NR2C1: variants seen among roughly 807,000 people sequenced by gnomAD.
NR2C1 encodes TR2 nuclear hormone receptor.
NR2C1 carries 33 observed loss-of-function variants against 74.8 expected under a neutral mutation model. That is an observed-to-expected ratio of 0.44 (90% CI 0.33 to 0.59). The LOEUF is 0.59. Among genes scored for constraint, NR2C1 ranks in the 20% least tolerant of loss-of-function variants. The probability of loss-of-function intolerance (pLI) is 0.02; values close to 1 mark genes in which losing one functional copy is unlikely to be tolerated. For synonymous variants in NR2C1, 225 were observed against 240.6 expected (o/e 0.94, Z 0.60); for missense variants, 568 against 715.6 (o/e 0.79, Z 2.35).
At chr12:95,038,278 T>C (rs922151051) in intron 10 of NR2C1, among the ~76,000 whole-genome samples, 4 of 152,212 alleles carry the variant, frequency 2.6e-5, no homozygotes, top group Non-Finnish European at 5.9e-5. Context: ...CTCAATTTAA[T>C]AGAAGTACTT....
intron 3 of NR2C1, 91 bp downstream of exon 3, chr12:95,062,417 T>C: frequency 1.2e-6 from 1 of 808,114 alleles, no homozygotes; most frequent in Non-Finnish European, 2.0e-6. Context: ...CTACTGAATA[T>C]ACATAGATCT....
chr12:95,070,536 T>G (rs1000728906), intron 1 of NR2C1, among the ~76,000 whole-genome samples: 4 of 152,226 alleles, frequency 2.6e-5, no homozygotes, highest in Non-Finnish European at 5.9e-5. Context: ...AATGTTCATA[T>G]TGACTGGCTC....
chr12:95,028,347 GA>G (rs1190213192), intron 12 of NR2C1, 39 bp downstream of exon 12: 1 of 1,551,938 alleles, frequency 6.4e-7, no homozygotes. Flanking sequence ...TCCACATCGT[GA>G]AACATTTTAT....
intron 10 of NR2C1, among the ~76,000 whole-genome samples, chr12:95,034,861 T>C (rs1870615623): frequency 6.6e-6 from 1 of 152,122 alleles, no homozygotes. Context: ...CTCTATGATG[T>C]TCACAATGAC....
intron 9 of NR2C1, among the ~76,000 whole-genome samples, chr12:95,044,811 G>A (rs1004966905): frequency 2.6e-5 from 4 of 152,168 alleles, no homozygotes; most frequent in Non-Finnish European, 5.9e-5. Flanking sequence ...GAGTCTGGGA[G>A]GCAGAGGTTG....
At chr12:95,058,735 T>C (rs1353912818) in intron 4 of NR2C1, among the ~76,000 whole-genome samples, 2 of 152,142 alleles carry the variant, frequency 1.3e-5, no homozygotes, top group Non-Finnish European at 2.9e-5. Flanking sequence ...ACTACTGGAC[T>C]CAAGGGATAT....
At chr12:95,030,241 C>A (rs1392341670) in intron 11 of NR2C1, among the ~76,000 whole-genome samples, 1 of 152,088 alleles carries the variant, frequency 6.6e-6, no homozygotes, top group Non-Finnish European at 1.5e-5. Context: ...AAACACTAGA[C>A]AACTAAAAGT....
intron 3 of NR2C1, among the ~76,000 whole-genome samples, chr12:95,061,958 T>C (rs945624946): frequency 6.6e-6 from 1 of 152,238 alleles, no homozygotes; most frequent in African/African-American, 2.4e-5. Flanking sequence ...ATGACTGCAC[T>C]GCTTGCTATT....
rs1191415819 is a variant in NR2C1, at chr12:95,029,030, A to T, written c.1394-506T>A. 2.0e-5 allele frequency among the ~76,000 whole-genome samples: 3 copies of T among 152,226 alleles called. No homozygotes were observed. The South Asian group carries it at 6.2e-4, about 31-fold the overall frequency. On this transcript the variant is annotated intron_variant, in intron 11 of 13. Transcript: ENST00000333003. The stretch of plus-strand genomic sequence containing the variant: ...TAAAACTAATCTTAAGATATTATTC[A>T]TTCAAGAACAAGCTGTTAGTATAAT...
intron 11 of NR2C1, chr12:95,030,466 C>A: frequency 1.4e-6 from 2 of 1,480,032 alleles, no homozygotes; most frequent in South Asian, 1.5e-5. Flanking sequence ...AAAACCCATC[C>A]ATTAGTAATT....
intron 7 of NR2C1, among the ~76,000 whole-genome samples, chr12:95,056,981 T>C (rs1462171391): frequency 6.6e-6 from 1 of 151,788 alleles, no homozygotes; most frequent in Non-Finnish European, 1.5e-5. Context: ...AAAAAGACTT[T>C]TACACCTATA....
At chr12:95,029,559 CT>C (rs34742046) in intron 11 of NR2C1, among the ~76,000 whole-genome samples, 237 of 130,080 alleles carry the variant, frequency 1.8e-3, no homozygotes, top group Admixed American at 3.9e-3. Context: ...GTAATGGTTC[CT>C]TTTTTTTTTT....
chr12:95,032,845 A>G (rs1870315031), intron 10 of NR2C1, among the ~76,000 whole-genome samples: 1 of 152,126 alleles, frequency 6.6e-6, no homozygotes, highest in Non-Finnish European at 1.5e-5. Context: ...GTGCACACCT[A>G]TAGTCTCAGC....
intron 13 of NR2C1, among the ~76,000 whole-genome samples, chr12:95,024,490 TA>T (rs1869120306): frequency 6.6e-6 from 1 of 152,192 alleles, no homozygotes; most frequent in Admixed American, 6.5e-5. Flanking sequence ...AAGTGGCTCT[TA>T]TAAAAAAAGA....
At chr12:95,030,982 T>C (rs560595268) in intron 11 of NR2C1, 1 of 890,128 alleles carries the variant, frequency 1.1e-6, no homozygotes, top group East Asian at 2.6e-5. Context: ...ATCTTAGGAT[T>C]CAAAGGGCTA....
intron 12 of NR2C1, among the ~76,000 whole-genome samples, chr12:95,027,583 A>G (rs1265986436): frequency 6.6e-6 from 1 of 152,126 alleles, no homozygotes; most frequent in East Asian, 1.9e-4. Flanking sequence ...TAAAAATACA[A>G]AAATGAACTG....
chr12:95,044,564 C>T (rs1872060267), intron 9 of NR2C1, among the ~76,000 whole-genome samples: 2 of 152,040 alleles, frequency 1.3e-5, no homozygotes, highest in South Asian at 4.1e-4. Context: ...GTGCGAGCCA[C>T]CCTGCCCAGC....
At chr12:95,025,429 A>T in intron 12 of NR2C1, 174 bp from the exon 13 acceptor site, 1 of 432,504 alleles carries the variant, frequency 2.3e-6, no homozygotes, top group Non-Finnish European at 4.0e-6. Flanking sequence ...GAGGCTGAGG[A>T]GGGTGAATCA....
intron 10 of NR2C1, among the ~76,000 whole-genome samples, chr12:95,036,420 G>A (rs951084862): frequency 7.8e-5 from 11 of 141,476 alleles, no homozygotes; most frequent in Non-Finnish European, 1.7e-4. Flanking sequence ...TTTTAAAAAA[G>A]CATTAACTTG....
Sources: gnomAD v4.1 joint callset for allele counts (sites outside exome capture counted in the v4.1 genomes callset) on GRCh38, gnomAD v4.1.1 for gene constraint, MANE v1.5 for transcripts, NCBI Gene and HGNC (gene_info 2026-07-23, HGNC 2026-07-21) for gene names.